Variants in CNGB1 observed in about 807,000 individuals in gnomAD.
The protein encoded by CNGB1 is cyclic nucleotide-gated channel beta-1.
A neutral mutation model predicts 151.7 loss-of-function variants in CNGB1; 126 were observed. That is an observed-to-expected ratio of 0.83 (90% CI 0.72 to 0.96). The LOEUF (loss-of-function observed/expected upper bound fraction) is 0.96. Ranked by LOEUF, CNGB1 falls within the 40% of genes least tolerant of loss-of-function variation. The probability of loss-of-function intolerance (pLI) is 0.00; values close to 1 mark genes in which losing one functional copy is unlikely to be tolerated. For missense variants in CNGB1, 1,698 were observed against 1,627.0 expected, an observed-to-expected ratio of 1.04 and a Z score of -0.75; for synonymous variants, 623 against 635.1, an observed-to-expected ratio of 0.98 and a Z score of 0.29.
chr16:57,959,221 G>C (rs1266324164), intron 10 of CNGB1, among the ~76,000 whole-genome samples: 2 of 151,934 alleles, frequency 1.3e-5, no homozygotes, highest in Non-Finnish European at 2.9e-5. Context: ...AATAAAAACT[G>C]GTGCATCCAT....
intron 21 of CNGB1, among the ~76,000 whole-genome samples, chr16:57,917,067 A>G (rs1282314078): frequency 2.0e-5 from 3 of 152,204 alleles, no homozygotes; most frequent in Non-Finnish European, 4.4e-5. Flanking sequence ...ACCTATGAGC[A>G]ATATCTGATG....
intron 16 of CNGB1, among the ~76,000 whole-genome samples, chr16:57,936,203 C>T (rs1961503685): frequency 6.6e-6 from 1 of 152,174 alleles, no homozygotes; most frequent in South Asian, 2.1e-4. Context: ...CCAGACAGCC[C>T]TCCCTCCACC....
intron 12 of CNGB1, among the ~76,000 whole-genome samples, chr16:57,951,851 T>G (rs1308729469): frequency 2.0e-5 from 3 of 152,218 alleles, no homozygotes; most frequent in African/African-American, 7.2e-5. Context: ...TCCCCACTTC[T>G]AGGTACAGAT....
At chr16:57,903,185 C>CTT (rs60099371) in intron 27 of CNGB1, among the ~76,000 whole-genome samples, 4,476 of 122,610 alleles carry the variant, frequency 0.037, 124 homozygotes, top group African/African-American at 0.079. Flanking sequence ...GTCCTTCTTC[C>CTT]TTTTTTTTTT....
At chr16:57,889,924 G>A in intron 31 of CNGB1, among the ~76,000 whole-genome samples, 1 of 152,188 alleles carries the variant, frequency 6.6e-6, no homozygotes, top group East Asian at 1.9e-4. Context: ...TGGGGAAATT[G>A]AGGCTCAGAG....
At chr16:57,965,366 C>T (rs951924898) in intron 2 of CNGB1, among the ~76,000 whole-genome samples, 2 of 152,206 alleles carry the variant, frequency 1.3e-5, no homozygotes, top group Non-Finnish European at 2.9e-5. Context: ...TGCAAACGTG[C>T]ATATACACAC....
chr16:57,952,792 T>C (rs900104751), intron 12 of CNGB1, among the ~76,000 whole-genome samples: 5 of 152,100 alleles, frequency 3.3e-5, no homozygotes, highest in Admixed American at 6.5e-5. Context: ...TGAGCCACCA[T>C]GCCCGGCCTC....
chr16:57,931,440 C>T (rs1567383223), intron 17 of CNGB1, among the ~76,000 whole-genome samples: 1 of 152,190 alleles, frequency 6.6e-6, no homozygotes, highest in Admixed American at 6.5e-5. Context: ...CAGGCAGTAG[C>T]CACCGTGCCT....
chr16:57,959,920 G>A lies in CNGB1; in HGVS notation c.729C>T (p.Thr243=), dbSNP rs1318132748. 3 of 1,574,406 alleles carry A rather than the reference G, an allele frequency of 1.9e-6. No individual in the cohort carries two copies. Among genetic ancestry groups the A allele is most frequent in the Admixed American group, 3.6e-5 (2 of 56,204 alleles). ...PEPQPGSQAQ[T]SSLPPTRDPA... The stretch of plus-strand genomic sequence containing the variant: ...GGTCCCTGGTTGGTGGCAGGGAGGA[G>A]GTCTGGGCCTGGGAGCCGGGCTGGG... Residue 243 remains threonine (T), a synonymous_variant, in exon 10 of 33, where the codon ACC becomes ACT. Coordinates refer to ENST00000251102, the MANE Select transcript of CNGB1 (RefSeq NM_001297.5).
chr16:57,930,372 G>A (rs990096079), intron 17 of CNGB1, among the ~76,000 whole-genome samples: 11 of 152,008 alleles, frequency 7.2e-5, no homozygotes, highest in African/African-American at 2.7e-4. Context: ...GCATGTGCCT[G>A]TAGTCACAGC....
At chr16:57,925,402 G>T (rs1264150719) in intron 17 of CNGB1, among the ~76,000 whole-genome samples, 1 of 152,180 alleles carries the variant, frequency 6.6e-6, no homozygotes, top group Admixed American at 6.5e-5. Context: ...CCAAAAATGG[G>T]CATAACATGG....
chr16:57,947,057 A>C (rs1961828001), intron 14 of CNGB1, among the ~76,000 whole-genome samples: 1 of 152,212 alleles, frequency 6.6e-6, no homozygotes, highest in African/African-American at 2.4e-5. Flanking sequence ...TATATGAAGC[A>C]TGTGTGTGGG....
intron 12 of CNGB1, among the ~76,000 whole-genome samples, chr16:57,951,310 C>T (rs1961944037): frequency 6.6e-6 from 1 of 152,176 alleles, no homozygotes; most frequent in Admixed American, 6.5e-5. Context: ...CCCGAAAGCT[C>T]CAGGGATCTT....
At chr16:57,962,458 C>T in intron 7 of CNGB1, 107 bp downstream of exon 7, 1 of 990,566 alleles carries the variant, frequency 1.0e-6, no homozygotes, top group South Asian at 1.3e-5. Flanking sequence ...GGAGGCATGT[C>T]CAAGGTCACA....
At chr16:57,944,310 T>A (rs1170521998) in intron 14 of CNGB1, among the ~76,000 whole-genome samples, 2 of 152,176 alleles carry the variant, frequency 1.3e-5, no homozygotes, top group Non-Finnish European at 2.9e-5. Context: ...TGATCTCACT[T>A]ATACGTGGAG....
intron 16 of CNGB1, among the ~76,000 whole-genome samples, chr16:57,935,694 A>T (rs990685419): frequency 3.3e-5 from 5 of 152,018 alleles, no homozygotes; most frequent in Admixed American, 2.6e-4. Context: ...GTTATCAGGG[A>T]GTGGCCTGTG....
chr16:57,945,135 G>A (rs762914557), intron 14 of CNGB1, among the ~76,000 whole-genome samples: 1 of 152,108 alleles, frequency 6.6e-6, no homozygotes, highest in East Asian at 1.9e-4. Context: ...TACCGCCTGT[G>A]CAAGGTGGGC....
intron 1 of CNGB1, among the ~76,000 whole-genome samples, chr16:57,968,006 C>T (rs189491784): frequency 1.3e-5 from 2 of 152,100 alleles, no homozygotes; most frequent in Admixed American, 6.6e-5. Context: ...ACACTATACC[C>T]AATAATAGAA....
At chr16:57,888,425 C>T (rs1021462933) in intron 31 of CNGB1, among the ~76,000 whole-genome samples, 1 of 151,746 alleles carries the variant, frequency 6.6e-6, no homozygotes. Context: ...GTCTTCTCTC[C>T]TCTCTCCTCT....
Sources: gnomAD v4.1 joint callset for allele counts (sites outside exome capture counted in the v4.1 genomes callset) on GRCh38, gnomAD v4.1.1 for gene constraint, MANE v1.5 for transcripts, NCBI Gene and HGNC (gene_info 2026-07-23, HGNC 2026-07-21) for gene names.